Variants in CPSF7 observed in about 807,000 individuals in gnomAD.
CPSF7 encodes cleavage and polyadenylation specificity factor subunit 7.
CPSF7 carries 1 observed loss-of-function variant against 44.3 expected under a neutral mutation model. The observed-to-expected ratio is 0.02, with a 90% confidence interval of 0.01 to 0.11. The LOEUF (loss-of-function observed/expected upper bound fraction) is 0.11. Ranked by LOEUF, CPSF7 falls within the 10% of genes least tolerant of loss-of-function variation. CPSF7 has a pLI of 1.00. For missense variants in CPSF7, 443 were observed against 607.2 expected (o/e 0.73, Z 2.84); for synonymous variants, 202 against 222.0 (o/e 0.91, Z 0.80).
chr11:61,404,814 G>A (rs1859154473), intron 9 of CPSF7, 110 bp from the exon 10 acceptor site: 1 of 152,194 alleles, frequency 6.6e-6, no homozygotes, highest in Admixed American at 6.5e-5. Flanking sequence ...AACATAAGAA[G>A]TAAGGAATGC....
chr11:61,429,599 G>A (rs1054086727), intron 1 of CPSF7: 7 of 785,390 alleles, frequency 8.9e-6, no homozygotes, highest in South Asian at 5.5e-5. Context: ...AAGAATGACC[G>A]CGGCGAAGCC....
At chr11:61,406,434 A>C (rs1859326928) in intron 9 of CPSF7, among the ~76,000 whole-genome samples, 1 of 152,226 alleles carries the variant, frequency 6.6e-6, no homozygotes, top group African/African-American at 2.4e-5. Context: ...GAAACTTCCT[A>C]AGCCATAACT....
intron 6 of CPSF7, 50 bp from the exon 7 acceptor site, chr11:61,415,834 T>C: frequency 7.7e-7 from 1 of 1,294,144 alleles, no homozygotes. Flanking sequence ...TTATTATTTT[T>C]ACTGTACTCT....
intron 9 of CPSF7, among the ~76,000 whole-genome samples, chr11:61,404,919 G>C (rs1859165166): frequency 6.6e-6 from 1 of 151,896 alleles, no homozygotes; most frequent in Non-Finnish European, 1.5e-5. Context: ...TGAGTAGAGA[G>C]AAAAAAAGCA....
chr11:61,402,915 T>G lies in CPSF7; in HGVS notation c.*1795A>C, dbSNP rs953416319. On this transcript the variant is annotated 3_prime_UTR_variant, in exon 10 of 10. Transcript: ENST00000439958. ...ACAAAACAAATGGGGAGAAAAAAAT[T>G]CTCCGGGTAAACGGCATTTCTGGTA... 2.0e-5 allele frequency: 3 copies of G among 152,376 alleles called. No individual in the cohort carries two copies. The highest frequency in any genetic ancestry group is 7.3e-5 in the African/African-American group (3 of 41,374). The allele number at this position is 152,376 out of a possible 1,614,324, so 9.4% of individuals were successfully genotyped here.
intron 7 of CPSF7, among the ~76,000 whole-genome samples, chr11:61,413,996 GAAC>G (rs1340873984): frequency 6.6e-6 from 1 of 152,124 alleles, no homozygotes; most frequent in Non-Finnish European, 1.5e-5. Flanking sequence ...ACTGGAATGA[GAAC>G]AACAGGAGAT....
chr11:61,416,163 C>T lies in CPSF7; in HGVS notation c.880G>A (p.Val294Met). ...PAFFPPPNAT[V>M]GPPPDTYMKA... is the part of the protein sequence containing the mutation. The stretch of plus-strand genomic sequence containing the variant: ...ATGTAAGTATCTGGTGGAGGCCCCA[C>T]TGTAGCGTTTGGTGGGGGGAAGAAG... Residue 294 changes from valine to methionine, a missense_variant, in exon 6 of 10, where the codon GTG becomes ATG. Transcript: ENST00000439958. The T allele has an allele frequency of 6.6e-7, 1 of 1,516,312 alleles. No homozygotes were observed. 93.9% of individuals were successfully genotyped at this position (1,516,312 alleles called of 1,614,324 possible).
rs551729398 is a variant in CPSF7 at position 61,425,024 on chromosome 11, C to T, written c.55-3416G>A. On this transcript the variant is annotated intron_variant, in intron 2 of 9. Transcript: ENST00000439958. The stretch of plus-strand genomic sequence containing the variant: ...GGCAACCAATCCACTGTTTTAAGAT[C>T]CCTTAAGAATAGGATAGACTAGATC... Among the ~76,000 whole-genome samples, 7 of 152,324 alleles carry T rather than the reference C, an allele frequency of 4.6e-5. No homozygotes were observed. In the East Asian group the frequency reaches 1.3e-3, roughly 29 times the overall value.
At position 61,411,947 on chromosome 11, in the gene CPSF7, G is replaced by C; in HGVS notation, c.1058-10C>G. 6.2e-7 allele frequency: 1 copy of C among 1,613,452 alleles called. No individual in the cohort carries two copies. The highest frequency in any genetic ancestry group is 8.5e-7 in the Non-Finnish European group (1 of 1,179,418). ...GCGTCACTGTAATCCCCTGATAAAG[G>C]ATGAAGGAGAAAGGCCAAGGGTGAG... On this transcript the variant is annotated splice_polypyrimidine_tract_variant and intron_variant, in intron 7 of 9. Coordinates refer to ENST00000439958, the MANE Select transcript of CPSF7 (RefSeq NM_001142565.3).
intron 3 of CPSF7, chr11:61,421,153 AGGGGCAGTAACAAGAT>A (rs1565113931): frequency 7.0e-7 from 1 of 1,424,090 alleles, no homozygotes; most frequent in Admixed American, 2.1e-5. Context: ...CCCCAGGGTC[AGGGGCAGTAACAAGAT>A]GGCAGAAAAA....
intron 2 of CPSF7, among the ~76,000 whole-genome samples, chr11:61,426,132 G>A (rs1051614270): frequency 5.3e-5 from 8 of 152,212 alleles, no homozygotes; most frequent in Non-Finnish European, 1.2e-4. Flanking sequence ...AGAGATCAGG[G>A]AATAAGCACC....
intron 3 of CPSF7, chr11:61,420,946 C>A: frequency 1.6e-6 from 1 of 625,086 alleles, no homozygotes; most frequent in Admixed American, 2.4e-5. Flanking sequence ...TTGGAAAAAC[C>A]ACCCCCACCA....
chr11:61,420,334 TA>T, intron 4 of CPSF7, 135 bp downstream of exon 4: 1 of 803,788 alleles, frequency 1.2e-6, no homozygotes, highest in Non-Finnish European at 2.0e-6. Context: ...GGTCCCTTTC[TA>T]AGGCAGTTTG....
At chr11:61,418,947 GACCTC>G (rs1466479589) in intron 5 of CPSF7, among the ~76,000 whole-genome samples, 2 of 151,970 alleles carry the variant, frequency 1.3e-5, no homozygotes, top group Non-Finnish European at 2.9e-5. Flanking sequence ...TCGAACTCCT[GACCTC>G]AGGTATCTGC....
At chr11:61,407,696 AAAT>A (rs1395162366) in intron 9 of CPSF7, among the ~76,000 whole-genome samples, 1 of 152,222 alleles carries the variant, frequency 6.6e-6, no homozygotes, top group Non-Finnish European at 1.5e-5. Context: ...CAGAGACAAA[AAAT>A]ATTAGTAATT....
chr11:61,414,318 G>A (rs932548739), intron 7 of CPSF7, among the ~76,000 whole-genome samples: 4 of 151,870 alleles, frequency 2.6e-5, no homozygotes, highest in African/African-American at 9.7e-5. Context: ...CACCATGCCT[G>A]GCTTATTTTT....
chr11:61,415,898 A>G lies in CPSF7; in HGVS notation c.939-114T>C, dbSNP rs60151226. ...CAGAACAATGCTAGACATCTGTAGC[A>G]TTCATAACACCTGCTCCCGCATTTA... On this transcript the variant is annotated intron_variant, in intron 6 of 9. Coordinates refer to ENST00000439958, the MANE Select transcript of CPSF7 (RefSeq NM_001142565.3). 5.3e-3 allele frequency: 4,733 copies of G among 895,456 alleles called. 161 individuals are homozygous for G. In the African/African-American group the frequency reaches 0.068, roughly 13 times the overall value. 55.5% of individuals were successfully genotyped at this position (895,456 alleles called of 1,614,324 possible). A position where few individuals can be genotyped will look rare whatever the true frequency, so the allele number is the denominator to read the frequency against.
chr11:61,429,473 C>A, intron 1 of CPSF7, 183 bp from the exon 2 acceptor site: 1 of 517,106 alleles, frequency 1.9e-6, no homozygotes, highest in South Asian at 2.8e-5. Flanking sequence ...CGCCGGGGGT[C>A]GCTGCCCATC....
chr11:61,420,612 G>C (rs1307872067), intron 3 of CPSF7, 39 bp from the exon 4 acceptor site: 6 of 1,506,652 alleles, frequency 4.0e-6, no homozygotes, highest in Non-Finnish European at 5.5e-6. Context: ...GATGTCAAGA[G>C]CTACACCCCC....
Sources: gnomAD v4.1 joint callset for allele counts (sites outside exome capture counted in the v4.1 genomes callset) on GRCh38, gnomAD v4.1.1 for gene constraint, MANE v1.5 for transcripts, NCBI Gene and HGNC (gene_info 2026-07-23, HGNC 2026-07-21) for gene names.